OTOG: variants seen among roughly 807,000 people sequenced by gnomAD.
OTOG encodes otogelin.
In OTOG, 296 loss-of-function variants were observed where a neutral mutation model predicts 313.8. That is an observed-to-expected ratio of 0.94 (90% CI 0.86 to 1.04). OTOG has a LOEUF of 1.04. OTOG is among the 50% of genes least tolerant of loss of function. The pLI, the probability that OTOG is intolerant of heterozygous loss-of-function variation, is 0.00. For synonymous variants in OTOG, 1,533 were observed against 1,554.9 expected (o/e 0.99, Z 0.33); for missense variants, 3,948 against 3,840.1 (o/e 1.03, Z -0.74).
intron 52 of OTOG, 77 bp downstream of exon 52, chr11:17,642,028 C>T: frequency 6.6e-7 from 1 of 1,522,626 alleles, no homozygotes; most frequent in African/African-American, 1.4e-5. Context: ...CTCTGGCTTG[C>T]AGGCCAGGGC....
intron 30 of OTOG, 90 bp from the exon 31 acceptor site, chr11:17,599,581 G>T: frequency 1.4e-6 from 2 of 1,421,742 alleles, no homozygotes; most frequent in Non-Finnish European, 1.9e-6. Context: ...TGGGGAAGAA[G>T]GGAGGCTGGG....
intron 36 of OTOG, among the ~76,000 whole-genome samples, 164 bp from the exon 37 acceptor site, chr11:17,611,998 G>C (rs935579971): frequency 1.1e-4 from 16 of 152,116 alleles, no homozygotes; most frequent in African/African-American, 3.4e-4. Flanking sequence ...TGCATCGCCA[G>C]GCCCCACATG....
chr11:17,576,709 C>A (rs1241437563), intron 21 of OTOG, 79 bp downstream of exon 21: 2 of 1,470,256 alleles, frequency 1.4e-6, no homozygotes, highest in Admixed American at 2.0e-5. Flanking sequence ...GCTGATGGAA[C>A]TTTCTGTGAA....
At chr11:17,598,923 G>A (rs1052480902) in intron 30 of OTOG, among the ~76,000 whole-genome samples, 5 of 152,218 alleles carry the variant, frequency 3.3e-5, no homozygotes, top group African/African-American at 1.2e-4. Context: ...GTGGTCTGGG[G>A]TGTGCAGTGA....
intron 30 of OTOG, among the ~76,000 whole-genome samples, 171 bp downstream of exon 30, chr11:17,597,178 G>C (rs1465384063): frequency 6.6e-6 from 1 of 152,138 alleles, no homozygotes; most frequent in Non-Finnish European, 1.5e-5. Flanking sequence ...TTTGAAACAG[G>C]GCTATATATT....
Position 17,641,017 on chromosome 11 carries a change from A to ACCGTGC in OTOG, c.8117_8122dup (p.Val2707_Leu2708insProVal), listed in dbSNP as rs1256896518. The ACCGTGC allele has an allele frequency of 6.5e-7, 1 of 1,542,770 alleles. No individual in the cohort carries two copies. The highest frequency in any genetic ancestry group is 1.4e-5 in the African/African-American group (1 of 71,618). ...CGTGTGCCACACCTCCCGCTGCACC[A>ACCGTGC]CCGTGCTCGACCCTCTCACCAACTT... On this transcript the variant is annotated inframe_insertion, in exon 51 of 56. Coordinates refer to ENST00000399397, the MANE Select transcript of OTOG (RefSeq NM_001292063.2).
intron 24 of OTOG, among the ~76,000 whole-genome samples, chr11:17,589,374 C>A (rs528612342): frequency 6.6e-6 from 1 of 152,246 alleles, no homozygotes; most frequent in Admixed American, 6.5e-5. Context: ...CTTCCTGTTT[C>A]CCTGAGGAAA....
At chr11:17,573,392 C>G in intron 19 of OTOG, 102 bp downstream of exon 19, 1 of 1,259,248 alleles carries the variant, frequency 7.9e-7, no homozygotes, top group Non-Finnish European at 1.1e-6. Context: ...CTCCAGTCTC[C>G]TCCAGCCTGA....
chr11:17,593,394 G>A lies in OTOG; in HGVS notation c.3141+67G>A, dbSNP rs1404248646. The A allele has an allele frequency of 2.0e-6, 3 of 1,522,532 alleles. No individual in the cohort carries two copies. The African/African-American group carries it at 4.1e-5, about 21-fold the overall frequency. 94.3% of individuals were successfully genotyped at this position (1,522,532 alleles called of 1,614,324 possible). A position where few individuals can be genotyped will look rare whatever the true frequency, so the allele number is the denominator to read the frequency against. Reference sequence around the variant, plus strand: ...GGTTACCAGGGTTGGGGCAGAAGAGGGCTGAGGACTGGCTTCCTTACCATA... The same window carrying A: ...GGTTACCAGGGTTGGGGCAGAAGAGAGCTGAGGACTGGCTTCCTTACCATA... On this transcript the variant is annotated intron_variant, in intron 26 of 55. Coordinates refer to ENST00000399397, the MANE Select transcript of OTOG (RefSeq NM_001292063.2).
intron 16 of OTOG, among the ~76,000 whole-genome samples, chr11:17,569,687 AAAC>A (rs1254529051): frequency 2.0e-5 from 3 of 152,228 alleles, no homozygotes; most frequent in Non-Finnish European, 4.4e-5. Flanking sequence ...AAAGAAAGAA[AAAC>A]AACAACAGGG....
At position 17,616,336 on chromosome 11, in the gene OTOG, C is replaced by T. The variant is rs370534434; in HGVS notation, c.6528+2635C>T. ...CCTCCCAAAGTGCTAGAATTACAGG[C>T]GTGAGCCACCGTGCCTGGCCTAGCT... On this transcript the variant is annotated intron_variant, in intron 39 of 55. Transcript: ENST00000399397. Among the ~76,000 whole-genome samples, 98 of 152,302 alleles carry T rather than the reference C, an allele frequency of 6.4e-4. No homozygotes were observed. In the South Asian group the frequency reaches 0.015, roughly 24 times the overall value.
intron 24 of OTOG, among the ~76,000 whole-genome samples, chr11:17,590,708 G>A (rs915996608): frequency 2.0e-5 from 3 of 152,136 alleles, no homozygotes; most frequent in Admixed American, 6.5e-5. Context: ...CTGACCGTCC[G>A]TCGCCCCTCT....
intron 38 of OTOG, among the ~76,000 whole-genome samples, chr11:17,613,116 G>T (rs1401932948): frequency 6.6e-6 from 1 of 152,114 alleles, no homozygotes; most frequent in African/African-American, 2.4e-5. Flanking sequence ...CTCCTACTAG[G>T]ATGTCCCCAT....
At chr11:17,570,991 G>C (rs949523796) in intron 17 of OTOG, among the ~76,000 whole-genome samples, 1 of 152,128 alleles carries the variant, frequency 6.6e-6, no homozygotes, top group African/African-American at 2.4e-5. Flanking sequence ...GACATATTTG[G>C]GCACAGACGT....
rs1383575819 is a variant in OTOG, at chr11:17,573,215, A to G, written c.2218A>G (p.Thr740Ala). 3 of 1,537,170 alleles carry G rather than the reference A, an allele frequency of 2.0e-6. No homozygotes were observed. Among genetic ancestry groups the G allele is most frequent in the South Asian group, 1.2e-5 (1 of 84,006 alleles). The change falls in exon 19 of 56, where the codon ACA becomes GCA. Residue 740 changes from threonine (T) to alanine (A), a missense_variant. Physicochemically the swap from Thr to Ala is moderately conservative, Grantham distance 58. Transcript: ENST00000399397. The part of the protein sequence containing the change: ...CRCGQPCLCA[T>A]LAHYAHLCRR... ...CTGCGGGCAGCCCTGCCTGTGCGCCACACTGGCCCACTACGCCCACCTGTG... is the reference window on the plus strand; with the variant it reads ...CTGCGGGCAGCCCTGCCTGTGCGCCGCACTGGCCCACTACGCCCACCTGTG...
At position 17,557,118 on chromosome 11, in the gene OTOG, G is replaced by T. The variant is rs1299008272; in HGVS notation, c.660G>T (p.Arg220Ser). The change falls in exon 8 of 56, where the codon AGG (arginine) becomes AGT (serine). Residue 220 changes from arginine (R) to serine (S), a missense_variant and splice_region_variant. Physicochemically the swap from Arg to Ser is moderately radical, Grantham distance 110. Transcript: ENST00000399397. Reference sequence around the variant, plus strand: ...TGAAGCTCTGGGATGTGCCCTGCAGGGTCCAACTGCCACATGTCATGGGGA... The same window carrying T: ...TGAAGCTCTGGGATGTGCCCTGCAGTGTCCAACTGCCACATGTCATGGGGA... ...LAKEVTHGGM[R>S]VQLPHVMGSA... 3.2e-6 allele frequency: 5 copies of T among 1,549,500 alleles called. No homozygotes were observed. Among genetic ancestry groups the T allele is most frequent in the Non-Finnish European group, 3.5e-6 (4 of 1,146,980 alleles).
chr11:17,606,099 G>C lies in OTOG; in HGVS notation c.4120G>C (p.Glu1374Gln). Residue 1374 changes from glutamate (E) to glutamine (Q), a missense_variant, in exon 33 of 56, where the codon GAG (glutamate) becomes CAG (glutamine). Transcript: ENST00000399397. ...GGCCCTGCGGCTGTACGAACACACA[G>C]AGGTGTTCCGCCGGGGCACACTCTT... ...VLALRLYEHT[E>Q]VFRRGTLFRL... 1.3e-6 allele frequency: 2 copies of C among 1,546,910 alleles called. No individual in the cohort carries two copies. The highest frequency in any genetic ancestry group is 8.7e-7 in the Non-Finnish European group (1 of 1,144,818).
intron 38 of OTOG, among the ~76,000 whole-genome samples, chr11:17,613,374 C>CCTTCCTTCCTTCCTTCCCTCCT (rs1565119211): frequency 2.7e-5 from 2 of 74,660 alleles, no homozygotes; most frequent in African/African-American, 1.1e-4. Flanking sequence ...CCTTCCTTCC[C>CCTTCCTTCCTTCCTTCCCTCCT]TCCTTCCTTC....
At chr11:17,564,448 G>A (rs1272424857) in intron 15 of OTOG, among the ~76,000 whole-genome samples, 1 of 152,244 alleles carries the variant, frequency 6.6e-6, no homozygotes, top group Non-Finnish European at 1.5e-5. Flanking sequence ...TGGGTAAGGA[G>A]AGGGAGGGAG....
Sources: gnomAD v4.1 joint callset for allele counts (sites outside exome capture counted in the v4.1 genomes callset) on GRCh38, gnomAD v4.1.1 for gene constraint, MANE v1.5 for transcripts, NCBI Gene and HGNC (gene_info 2026-07-23, HGNC 2026-07-21) for gene names.